R3HDM2: variants seen among roughly 807,000 people sequenced by gnomAD.
R3HDM2 encodes R3H domain-containing protein 2.
R3HDM2 carries 38 observed loss-of-function variants against 124.5 expected under a neutral mutation model. That is an observed-to-expected ratio of 0.31 (90% CI 0.24 to 0.40). R3HDM2 has a LOEUF of 0.40. Ranked by LOEUF, R3HDM2 falls within the 10% of genes least tolerant of loss-of-function variation. The pLI is 1.00. For missense variants in R3HDM2, 869 were observed against 1,236.9 expected, an observed-to-expected ratio of 0.70 and a Z score of 4.46; for synonymous variants, 391 against 448.0, an observed-to-expected ratio of 0.87 and a Z score of 1.61.
intron 1 of R3HDM2, among the ~76,000 whole-genome samples, chr12:57,428,619 C>T (rs1057485632): frequency 6.6e-6 from 1 of 151,930 alleles, no homozygotes; most frequent in Admixed American, 6.6e-5. Flanking sequence ...TGCACCACTG[C>T]GCTCCACCCT....
chr12:57,317,948 C>G (rs2055499706), intron 2 of R3HDM2, among the ~76,000 whole-genome samples: 1 of 150,300 alleles, frequency 6.7e-6, no homozygotes, highest in Non-Finnish European at 1.5e-5. Flanking sequence ...CCATTGCACT[C>G]CAGCCTGGGC....
chr12:57,326,533 T>G (rs777956932), intron 2 of R3HDM2, among the ~76,000 whole-genome samples: 54 of 152,148 alleles, frequency 3.5e-4, no homozygotes, highest in Non-Finnish European at 6.5e-4. Flanking sequence ...CTAGCAGAGG[T>G]TGGTTCATGA....
chr12:57,320,635 A>G (rs1255881319), intron 2 of R3HDM2, among the ~76,000 whole-genome samples: 1 of 152,130 alleles, frequency 6.6e-6, no homozygotes, highest in Non-Finnish European at 1.5e-5. Flanking sequence ...CAGTGAAGAA[A>G]TAGGATAATA....
intron 2 of R3HDM2, among the ~76,000 whole-genome samples, chr12:57,376,196 GA>G (rs1448908145): frequency 6.6e-6 from 1 of 152,164 alleles, no homozygotes; most frequent in Non-Finnish European, 1.5e-5. Flanking sequence ...ATGTCCATGG[GA>G]CCAGAGGACA....
rs866037105 is a variant in R3HDM2 at position 57,430,971 on chromosome 12, G to A, written c.-357C>T. ...GAACCAAACCCGGAAAGGGAGAAAAGGGGGGAGGGGAAAATCAGAAGGGGA... is the reference window on the plus strand; with the variant it reads ...GAACCAAACCCGGAAAGGGAGAAAAAGGGGGAGGGGAAAATCAGAAGGGGA... On this transcript the variant is annotated 5_prime_UTR_variant, in exon 1 of 24. Transcript: ENST00000402412. 1 of 147,768 alleles carries A rather than the reference G, an allele frequency of 6.8e-6. No homozygotes were observed. The highest frequency in any genetic ancestry group is 1.5e-5 in the Non-Finnish European group (1 of 66,496). 9.2% of individuals were successfully genotyped at this position (147,768 alleles called of 1,614,324 possible).
At chr12:57,321,372 C>T (rs570325466) in intron 2 of R3HDM2, among the ~76,000 whole-genome samples, 181 of 152,268 alleles carry the variant, frequency 1.2e-3, no homozygotes, top group Non-Finnish European at 2.3e-3. Flanking sequence ...TGGATAGGGC[C>T]GGGCACAGTG....
At chr12:57,257,493 C>T (rs1387127598) in intron 21 of R3HDM2, among the ~76,000 whole-genome samples, 2 of 152,138 alleles carry the variant, frequency 1.3e-5, no homozygotes, top group African/African-American at 4.8e-5. Context: ...GATAAAATTC[C>T]CATCTTATGT....
At chr12:57,395,083 G>A (rs1044644693) in intron 2 of R3HDM2, among the ~76,000 whole-genome samples, 3 of 151,976 alleles carry the variant, frequency 2.0e-5, no homozygotes, top group African/African-American at 2.4e-5. Flanking sequence ...GGTGGTGGGC[G>A]CCTGTAATCC....
At chr12:57,257,115 G>A (rs961575927) in intron 21 of R3HDM2, among the ~76,000 whole-genome samples, 5 of 152,074 alleles carry the variant, frequency 3.3e-5, no homozygotes, top group African/African-American at 1.2e-4. Flanking sequence ...CACTGCGCCC[G>A]GCTGTCTTTT....
intron 2 of R3HDM2, among the ~76,000 whole-genome samples, chr12:57,366,206 G>C (rs1157335354): frequency 6.6e-6 from 1 of 152,104 alleles, no homozygotes; most frequent in South Asian, 2.1e-4. Flanking sequence ...CCAGGCTGGA[G>C]TGCTGTGGTG....
chr12:57,256,596 C>T, intron 21 of R3HDM2, 85 bp from the exon 22 acceptor site: 1 of 948,848 alleles, frequency 1.1e-6, no homozygotes, highest in South Asian at 1.7e-5. Context: ...TTGGAGACAG[C>T]AACAATGCAT....
At chr12:57,404,081 TGAGA>T (rs1442501162) in intron 1 of R3HDM2, among the ~76,000 whole-genome samples, 80 of 144,044 alleles carry the variant, frequency 5.6e-4, no homozygotes, top group African/African-American at 1.0e-3. Flanking sequence ...TTTTTTTTTT[TGAGA>T]TGGAGTTTTG....
At chr12:57,416,020 T>G (rs1035761032) in intron 1 of R3HDM2, among the ~76,000 whole-genome samples, 1 of 152,214 alleles carries the variant, frequency 6.6e-6, no homozygotes, top group African/African-American at 2.4e-5. Flanking sequence ...ATGGACTGTT[T>G]ATAATATTAT....
intron 1 of R3HDM2, among the ~76,000 whole-genome samples, chr12:57,417,579 T>C (rs1347538808): frequency 6.6e-6 from 1 of 152,224 alleles, no homozygotes; most frequent in Non-Finnish European, 1.5e-5. Context: ...TATACTCCCA[T>C]GACATTATCA....
chr12:57,390,181 AAAAG>A (rs148118140), intron 2 of R3HDM2, among the ~76,000 whole-genome samples: 63,477 of 148,348 alleles, frequency 0.43, 14,000 homozygotes, highest in South Asian at 0.51. Context: ...CTAAAAAAAA[AAAAG>A]AAAGAAAGAA....
chr12:57,336,183 CACTT>C (rs1438654445), intron 2 of R3HDM2, among the ~76,000 whole-genome samples: 5 of 151,452 alleles, frequency 3.3e-5, no homozygotes, highest in Non-Finnish European at 7.4e-5. Context: ...GAAAAGGAAA[CACTT>C]ATACACTATT....
At chr12:57,318,478 A>G (rs902942715) in intron 2 of R3HDM2, among the ~76,000 whole-genome samples, 1 of 151,734 alleles carries the variant, frequency 6.6e-6, no homozygotes, top group African/African-American at 2.4e-5. Flanking sequence ...GTGAAACCCC[A>G]TCTCTACTAA....
chr12:57,359,740 A>G (rs562950721), intron 2 of R3HDM2, among the ~76,000 whole-genome samples: 9 of 150,532 alleles, frequency 6.0e-5, no homozygotes, highest in African/African-American at 2.2e-4. Context: ...CAATATGTTC[A>G]TTTTCCTTTT....
intron 1 of R3HDM2, among the ~76,000 whole-genome samples, chr12:57,408,784 T>A (rs1011827701): frequency 2.0e-5 from 3 of 151,834 alleles, no homozygotes; most frequent in Non-Finnish European, 4.4e-5. Flanking sequence ...TCCACCCTCA[T>A]GAGGGGATTA....
Sources: gnomAD v4.1 joint callset for allele counts (sites outside exome capture counted in the v4.1 genomes callset) on GRCh38, gnomAD v4.1.1 for gene constraint, MANE v1.5 for transcripts, NCBI Gene and HGNC (gene_info 2026-07-23, HGNC 2026-07-21) for gene names.